The following MALRD1 variants were observed in gnomAD, a reference collection of about 807,000 sequenced individuals.
MALRD1 encodes MAM and LDL-receptor class A domain-containing protein 1.
A neutral mutation model predicts 242.1 loss-of-function variants in MALRD1; 247 were observed. That is an observed-to-expected ratio of 1.02 (90% CI 0.92 to 1.13). The LOEUF is 1.13. Ranked by LOEUF, MALRD1 falls within the 50% of genes most tolerant of loss-of-function variation. The pLI is 0.00. For missense variants in MALRD1, 2,989 were observed against 2,533.1 expected, an observed-to-expected ratio of 1.18 and a Z score of -3.86; for synonymous variants, 995 against 866.6, an observed-to-expected ratio of 1.15 and a Z score of -2.60.
intron 28 of MALRD1, among the ~76,000 whole-genome samples, chr10:19,413,742 G>C (rs1833379207): frequency 6.6e-6 from 1 of 151,722 alleles, no homozygotes; most frequent in African/African-American, 2.4e-5. Flanking sequence ...CCAGTGCTTT[G>C]GGAGGCCGAG....
In MALRD1 at chr10:19,066,816, T is replaced by G. The variant is rs1175076914; in HGVS notation, c.297T>G (p.Ile99Met). 3.2e-6 allele frequency: 4 copies of G among 1,233,618 alleles called. No individual in the cohort carries two copies. Among genetic ancestry groups the G allele is most frequent in the Admixed American group, 4.2e-5 (1 of 23,694 alleles). The allele number at this position is 1,233,618 out of a possible 1,614,324, so 76.4% of individuals were successfully genotyped here. The change falls in exon 2 of 40, where the codon ATT becomes ATG. Residue 99 changes from isoleucine (I) to methionine (M), a missense_variant. Physicochemically the swap from Ile to Met is conservative, Grantham distance 10. Transcript: ENST00000454679. Reference sequence around the variant, plus strand: ...GTTGGACAAAGAGAAGTGGGATGATTGGTCTATCACCTCCATTTTATGATC... The same window carrying G: ...GTTGGACAAAGAGAAGTGGGATGATGGGTCTATCACCTCCATTTTATGATC... ...QPSWTKRSGM[I>M]GLSPPFYDHN...
intron 2 of MALRD1, among the ~76,000 whole-genome samples, chr10:19,072,771 A>G (rs1262931669): frequency 6.6e-6 from 1 of 152,110 alleles, no homozygotes; most frequent in Non-Finnish European, 1.5e-5. Context: ...ATGTATCTGA[A>G]CTTTCAATTA....
chr10:19,325,571 T>C (rs1187586883), intron 22 of MALRD1, among the ~76,000 whole-genome samples: 1 of 152,116 alleles, frequency 6.6e-6, no homozygotes, highest in African/African-American at 2.4e-5. Context: ...ACCTCAGTTA[T>C]ATTGAAGAAG....
At chr10:19,374,290 G>C (rs759936760) in intron 26 of MALRD1, among the ~76,000 whole-genome samples, 1 of 152,048 alleles carries the variant, frequency 6.6e-6, no homozygotes, top group Non-Finnish European at 1.5e-5. Flanking sequence ...GTATAATCTT[G>C]CTGCAGTATG....
At chr10:19,408,149 A>G (rs2130875000) in intron 28 of MALRD1, among the ~76,000 whole-genome samples, 1 of 152,326 alleles carries the variant, frequency 6.6e-6, no homozygotes, top group Admixed American at 6.5e-5. Context: ...AGGAAGGGAA[A>G]GGAAGAGAAG....
At chr10:19,698,435 G>A (rs1330035719) in intron 38 of MALRD1, among the ~76,000 whole-genome samples, 4 of 152,204 alleles carry the variant, frequency 2.6e-5, no homozygotes, top group Admixed American at 6.5e-5. Context: ...ACAAAGGGAA[G>A]CAGAACCATC....
At chr10:19,149,506 G>A (rs1416488264) in intron 11 of MALRD1, among the ~76,000 whole-genome samples, 1 of 151,854 alleles carries the variant, frequency 6.6e-6, no homozygotes, top group Admixed American at 6.6e-5. Context: ...TGTTCATATA[G>A]TCACACACAG....
At chr10:19,218,495 G>A (rs916944426) in intron 18 of MALRD1, among the ~76,000 whole-genome samples, 42 of 152,230 alleles carry the variant, frequency 2.8e-4, no homozygotes, top group South Asian at 1.9e-3. Flanking sequence ...AGCAGTTGAT[G>A]TTAATATTTA....
intron 23 of MALRD1, 112 bp downstream of exon 23, chr10:19,327,785 T>C (rs1336540316): frequency 1.2e-6 from 1 of 841,326 alleles, no homozygotes; most frequent in African/African-American, 1.7e-5. Context: ...TTTGATGTGT[T>C]CTGTGGATGC....
At chr10:19,130,635 A>G (rs1201073675) in intron 8 of MALRD1, among the ~76,000 whole-genome samples, 2 of 152,112 alleles carry the variant, frequency 1.3e-5, no homozygotes, top group Non-Finnish European at 2.9e-5. Context: ...GTTTCAATAC[A>G]TGTAGAATGG....
chr10:19,354,793 A>G (rs932239985), intron 26 of MALRD1, among the ~76,000 whole-genome samples: 2 of 152,168 alleles, frequency 1.3e-5, no homozygotes, highest in African/African-American at 2.4e-5. Flanking sequence ...GTTTGAGGTG[A>G]TGGTTATCCC....
Position 19,623,815 on chromosome 10 carries a change from TA to T in MALRD1, c.6137+7896del, listed in dbSNP as rs200742157. Among the ~76,000 whole-genome samples the T allele has an allele frequency of 9.9e-3, 1,504 of 152,090 alleles. 21 individuals carry two copies. Among genetic ancestry groups the T allele is most frequent in the African/African-American group, 0.034 (1,411 of 41,418 alleles). On this transcript the variant is annotated intron_variant, in intron 36 of 39. Coordinates refer to ENST00000454679, the MANE Select transcript of MALRD1 (RefSeq NM_001142308.3). ...AATCTTTTTTACCCAGTCTACTGAT[TA>T]AAATGCTAATCTCTTCTGGAAACAT...
intron 28 of MALRD1, among the ~76,000 whole-genome samples, chr10:19,425,553 G>A (rs927347069): frequency 2.0e-5 from 3 of 151,934 alleles, no homozygotes; most frequent in African/African-American, 7.3e-5. Context: ...TGACAAGTGT[G>A]CATTACAGGG....
At chr10:19,530,122 G>T (rs938539531) in intron 31 of MALRD1, among the ~76,000 whole-genome samples, 1 of 150,942 alleles carries the variant, frequency 6.6e-6, no homozygotes, top group Non-Finnish European at 1.5e-5. Context: ...TGTCAATATT[G>T]GCTCATTAAT....
intron 21 of MALRD1, among the ~76,000 whole-genome samples, chr10:19,284,399 C>A (rs1350544387): frequency 1.4e-4 from 16 of 117,296 alleles, no homozygotes; most frequent in Non-Finnish European, 3.4e-5. Context: ...TATCCCTCCC[C>A]CCTCCCCCCA....
chr10:19,312,521 G>C (rs148283214), intron 21 of MALRD1, among the ~76,000 whole-genome samples: 5 of 150,868 alleles, frequency 3.3e-5, no homozygotes, highest in African/African-American at 9.7e-5. Context: ...TTAACATCTA[G>C]AAAAGTGTTT....
intron 11 of MALRD1, among the ~76,000 whole-genome samples, chr10:19,148,788 A>AATATATATATATATATAT (rs767384867): frequency 1.1e-5 from 1 of 88,010 alleles, no homozygotes; most frequent in Non-Finnish European, 2.5e-5. Flanking sequence ...AAAAAAAAAA[A>AATATATATATATATATAT]ATATATATAT....
chr10:19,189,505 G>GC (rs557801574), intron 14 of MALRD1, among the ~76,000 whole-genome samples: 2 of 129,912 alleles, frequency 1.5e-5, no homozygotes, highest in Non-Finnish European at 3.5e-5. Context: ...CAAAGAGACT[G>GC]CAAAAAAAAC....
chr10:19,367,324 C>G (rs994873374), intron 26 of MALRD1, among the ~76,000 whole-genome samples: 7 of 152,064 alleles, frequency 4.6e-5, no homozygotes, highest in Non-Finnish European at 1.0e-4. Flanking sequence ...TCTAGGCGAT[C>G]AACTTTATTT....
Sources: allele counts gnomAD v4.1 joint callset (sites outside exome capture counted in the v4.1 genomes callset), GRCh38; gene constraint gnomAD v4.1.1; transcripts MANE v1.5; gene names NCBI Gene and HGNC (gene_info 2026-07-23, HGNC 2026-07-21).